Variants in TIAM1 observed in about 807,000 individuals in gnomAD.
TIAM1 encodes rho guanine nucleotide exchange factor TIAM1.
A neutral mutation model predicts 163.5 loss-of-function variants in TIAM1; 65 were observed. The ratio of observed to expected loss-of-function variants is 0.40; its 90% CI spans 0.33 to 0.49. TIAM1 has a LOEUF of 0.49. Ranked by LOEUF, TIAM1 falls within the 20% of genes least tolerant of loss-of-function variation. The pLI is 0.77. For missense variants in TIAM1, 1,789 were observed against 2,044.7 expected (o/e 0.87, Z 2.41); for synonymous variants, 833 against 810.1 (o/e 1.03, Z -0.48).
intron 1 of TIAM1, among the ~76,000 whole-genome samples, chr21:31,546,231 C>G (rs2048484867): frequency 6.9e-6 from 1 of 144,314 alleles, no homozygotes; most frequent in South Asian, 2.3e-4. Flanking sequence ...GAAGAATTAC[C>G]CAGGTAGAAG....
chr21:31,186,897 C>G (rs1245313389), intron 14 of TIAM1, 104 bp downstream of exon 14: 1 of 973,460 alleles, frequency 1.0e-6, no homozygotes, highest in East Asian at 2.4e-5. Flanking sequence ...TGTTCAAATA[C>G]TTTCCACAAA....
At position 31,317,039 on chromosome 21, in the gene TIAM1, C is replaced by T. The variant is rs139005917; in HGVS notation, c.-189+22204G>A. Among the ~76,000 whole-genome samples, 176 of 152,314 alleles carry T rather than the reference C, an allele frequency of 1.2e-3. 1 individual carries two copies. The highest frequency in any genetic ancestry group is 3.4e-3 in the Middle Eastern group (1 of 294). On this transcript the variant is annotated intron_variant, in intron 2 of 27. Transcript: ENST00000541036. Reference sequence around the variant, plus strand: ...ATAATAAAGCTGAGCTTTTGGTCTCCACTTGCTGAACCCTTTGTTTGTCTC... The same window carrying T: ...ATAATAAAGCTGAGCTTTTGGTCTCTACTTGCTGAACCCTTTGTTTGTCTC...
At chr21:31,528,198 C>G (rs2047850565) in intron 1 of TIAM1, among the ~76,000 whole-genome samples, 2 of 152,120 alleles carry the variant, frequency 1.3e-5, no homozygotes, top group African/African-American at 4.8e-5. Context: ...TATCAATGCA[C>G]TAAGTATGTG....
chr21:31,174,609 C>T (rs910250757), intron 15 of TIAM1, among the ~76,000 whole-genome samples: 9 of 152,216 alleles, frequency 5.9e-5, no homozygotes, highest in African/African-American at 1.7e-4. Flanking sequence ...GCTCTTGGAA[C>T]GCTGGAACTT....
intron 1 of TIAM1, among the ~76,000 whole-genome samples, chr21:31,510,697 C>G (rs1250504343): frequency 6.6e-6 from 1 of 151,974 alleles, no homozygotes; most frequent in Non-Finnish European, 1.5e-5. Flanking sequence ...ACCTGTAATC[C>G]CAGCTACTCA....
chr21:31,248,007 G>T (rs1241052650), intron 5 of TIAM1, among the ~76,000 whole-genome samples: 1 of 152,134 alleles, frequency 6.6e-6, no homozygotes, highest in African/African-American at 2.4e-5. Flanking sequence ...CAACTTGGGG[G>T]AAGGTGCTAT....
chr21:31,336,218 T>C (rs149345577), intron 2 of TIAM1, among the ~76,000 whole-genome samples: 1 of 152,316 alleles, frequency 6.6e-6, no homozygotes, highest in Non-Finnish European at 1.5e-5. Flanking sequence ...TTCTGTTATC[T>C]TTCGAATGGG....
chr21:31,517,399 G>A (rs543482846), intron 1 of TIAM1, among the ~76,000 whole-genome samples: 16 of 151,994 alleles, frequency 1.1e-4, no homozygotes, highest in South Asian at 1.0e-3. Flanking sequence ...ACTTTAAAAC[G>A]GTCCTATAAT....
intron 2 of TIAM1, among the ~76,000 whole-genome samples, chr21:31,373,068 AG>A (rs201195159): frequency 0.13 from 18,666 of 138,916 alleles, 1,463 homozygotes; most frequent in Non-Finnish European, 0.16. Flanking sequence ...AAAAAAAAAA[AG>A]AAAAGAAAAG....
chr21:31,336,354 G>C (rs1211517063), intron 2 of TIAM1, among the ~76,000 whole-genome samples: 1 of 152,184 alleles, frequency 6.6e-6, no homozygotes, highest in Non-Finnish European at 1.5e-5. Context: ...CCGGGGGGAA[G>C]ATGGGCTAGC....
chr21:31,519,305 C>CAAAA (rs369132676), intron 1 of TIAM1, among the ~76,000 whole-genome samples: 6 of 53,110 alleles, frequency 1.1e-4, no homozygotes, highest in African/African-American at 2.3e-4. Context: ...AACTCTGTCT[C>CAAAA]AAAAAAAAAA....
intron 2 of TIAM1, among the ~76,000 whole-genome samples, chr21:31,383,584 A>C (rs1010574114): frequency 6.6e-6 from 1 of 152,186 alleles, no homozygotes. Flanking sequence ...CCAACACTGT[A>C]CACCTATCTC....
chr21:31,182,412 C>G lies in TIAM1; in HGVS notation c.2887+9G>C, dbSNP rs375165171. 4 of 1,541,590 alleles carry G rather than the reference C, an allele frequency of 2.6e-6. No homozygotes were observed. The highest frequency in any genetic ancestry group is 1.3e-5 in the South Asian group (1 of 78,116). Reference sequence around the variant, plus strand: ...TCAGACTCGCCCCCAGCACCCTGCACAGCCATACCTGGGTTGCTGGTGAGA... The same window carrying G: ...TCAGACTCGCCCCCAGCACCCTGCAGAGCCATACCTGGGTTGCTGGTGAGA... On this transcript the variant is annotated intron_variant, in intron 15 of 27. Transcript: ENST00000541036.
In TIAM1 at chr21:31,454,982, A is replaced by G. The variant is rs571462262; in HGVS notation, c.-369+9001T>C. Among the ~76,000 whole-genome samples the G allele has an allele frequency of 3.9e-5, 6 of 152,210 alleles. No individual in the cohort carries two copies. In the East Asian group the frequency reaches 9.7e-4, roughly 25 times the overall value. ...GGTTCCCCTGCTGGGGCAAGCAAAG[A>G]ATAAGATGAGCCTAGAGTCCAGGCA... is the stretch of plus-strand genomic sequence containing the variant. On this transcript the variant is annotated intron_variant, in intron 2 of 28. Transcript: ENST00000286827.
chr21:31,419,435 G>A (rs1488091447), intron 2 of TIAM1, among the ~76,000 whole-genome samples: 1 of 152,140 alleles, frequency 6.6e-6, no homozygotes, highest in African/African-American at 2.4e-5. Flanking sequence ...TCAGTTAAAT[G>A]CCATCCTCCC....
At chr21:31,532,549 C>T (rs2048003996) in intron 1 of TIAM1, among the ~76,000 whole-genome samples, 1 of 152,166 alleles carries the variant, frequency 6.6e-6, no homozygotes, top group African/African-American at 2.4e-5. Context: ...ATAATGTCTA[C>T]CTAATCTTTT....
In TIAM1 at chr21:31,130,275, G is replaced by T; in HGVS notation, c.3983C>A (p.Pro1328His). ...GGGGATCATGTGTCGAAATCTGAAG[G>T]GGTCCCAGTCCTCATAAATGGAAAG... ...HRLSIYEDWD[P>H]FRFRHMIPTE... The change falls in exon 25 of 28, where the codon CCC (proline) becomes CAC (histidine). Residue 1328 changes from proline to histidine, a missense_variant. Transcript: ENST00000541036. The T allele has an allele frequency of 6.2e-7, 1 of 1,614,056 alleles. No homozygotes were observed. Among genetic ancestry groups the T allele is most frequent in the Non-Finnish European group, 8.5e-7 (1 of 1,180,012 alleles).
At chr21:31,239,753 A>C (rs2071070210) in intron 6 of TIAM1, among the ~76,000 whole-genome samples, 1 of 152,228 alleles carries the variant, frequency 6.6e-6, no homozygotes. Context: ...AAAAGATGAT[A>C]TTGAAATGGT....
chr21:31,123,483 A>G (rs2082074889), intron 27 of TIAM1, among the ~76,000 whole-genome samples: 3 of 152,206 alleles, frequency 2.0e-5, no homozygotes, highest in Admixed American at 2.0e-4. Context: ...TTCAACAAAC[A>G]TTTATCAATT....
Sources: allele counts gnomAD v4.1 joint callset (sites outside exome capture counted in the v4.1 genomes callset), GRCh38; gene constraint gnomAD v4.1.1; transcripts MANE v1.5; gene names NCBI Gene and HGNC (gene_info 2026-07-23, HGNC 2026-07-21).